MCM7: variants seen among roughly 807,000 people sequenced by gnomAD.
MCM7 encodes the protein minichromosome maintenance complex component 7.
In MCM7, 95 loss-of-function variants were observed where a neutral mutation model predicts 83.5. The observed-to-expected ratio is 1.14, with a 90% CI of 0.96 to 1.35. The LOEUF (loss-of-function observed/expected upper bound fraction) is 1.35. Among genes scored for constraint, MCM7 ranks in the 40% most tolerant of loss-of-function variants. MCM7 has a pLI of 0.00. For missense variants in MCM7, 1,087 were observed against 957.4 expected (o/e 1.14, Z -1.79); for synonymous variants, 461 against 352.7 (o/e 1.31, Z -3.44).
In MCM7 at chr7:100,093,357, A is replaced by G; in HGVS notation, c.1893T>C (p.Asn631=). The G allele has an allele frequency of 1.2e-6, 2 of 1,614,140 alleles. No individual in the cohort carries two copies. Among genetic ancestry groups the G allele is most frequent in the South Asian group, 1.1e-5 (1 of 91,088 alleles). Residue 631 remains asparagine (N), a synonymous_variant, in exon 14 of 15, where the codon AAT becomes AAC. Coordinates refer to ENST00000303887, the MANE Select transcript of MCM7 (RefSeq NM_005916.5). The part of the protein sequence containing the change: ...MVDVVEKEDV[N]EAIRLMEMSK... ...ACATCTCCATTAGCCTGATGGCTTC[A>G]TTCACATCTTCTTTCTCCACCACAT...
intron 10 of MCM7, 144 bp from the exon 11 acceptor site, chr7:100,096,311 C>T (rs1795634358): frequency 4.0e-6 from 3 of 751,588 alleles, no homozygotes; most frequent in African/African-American, 3.5e-5. Context: ...GCCCGAGGAT[C>T]TGTGGGGCAC....
In MCM7 at chr7:100,099,725, G is replaced by C; in HGVS notation, c.140C>G (p.Ala47Gly). ...LVRLAHREQV[A>G]LYVDLDDVAE... ...TACGTCGTCCAGGTCCACATACAGA[G>C]CCACCTGTTCCCGATGAGCCAGCCG... Residue 47 changes from alanine to glycine, a missense_variant, in exon 3 of 15, where the codon GCT (alanine) becomes GGT (glycine). Physicochemically the swap from Ala to Gly is moderately conservative, Grantham distance 60. Transcript: ENST00000303887. The C allele has an allele frequency of 6.2e-7, 1 of 1,614,116 alleles. No individual in the cohort carries two copies. The highest frequency in any genetic ancestry group is 8.5e-7 in the Non-Finnish European group (1 of 1,180,028).
intron 1 of MCM7, 184 bp from the exon 2 acceptor site, chr7:100,100,277 A>T: frequency 7.3e-7 from 1 of 1,373,714 alleles, no homozygotes; most frequent in Non-Finnish European, 9.4e-7. Context: ...CGAAGAATAA[A>T]GAGCCCGTGG....
At chr7:100,095,242 C>T in intron 12 of MCM7, 145 bp downstream of exon 12, 5 of 755,438 alleles carry the variant, frequency 6.6e-6, no homozygotes, top group South Asian at 1.5e-5. Flanking sequence ...GAATTTTCCA[C>T]TTAAAAGCTG....
intron 12 of MCM7, among the ~76,000 whole-genome samples, chr7:100,094,950 T>C (rs1295408487): frequency 1.3e-5 from 2 of 152,204 alleles, no homozygotes; most frequent in Non-Finnish European, 2.9e-5. Context: ...GGTTCATGCC[T>C]GTAATCCCAG....
chr7:100,093,975 C>A (rs1370366039), intron 13 of MCM7, 198 bp downstream of exon 13: 2 of 774,918 alleles, frequency 2.6e-6, no homozygotes, highest in Non-Finnish European at 4.7e-6. Context: ...CCTTTCCCTC[C>A]ACGGACGCTG....
chr7:100,098,672 T>C lies in MCM7; in HGVS notation c.626A>G (p.Gln209Arg), dbSNP rs778775914. ...TFMPLIMCPSQECQTNRSGGR... is the reference protein window; with the variant it reads ...TFMPLIMCPSRECQTNRSGGR... ...TCCTGAGCGGTTGGTTTGGCACTCC[T>C]GGCTTGGGCACATGATCAGAGGCAT... Residue 209 changes from glutamine (Q) to arginine (R), a missense_variant, in exon 6 of 15, where the codon CAG becomes CGG. Gln to Arg is a conservative substitution (Grantham distance 43, BLOSUM62 1). Coordinates refer to ENST00000303887, the MANE Select transcript of MCM7 (RefSeq NM_005916.5). 3.1e-6 allele frequency: 5 copies of C among 1,614,112 alleles called. No individual in the cohort carries two copies. In the South Asian group the frequency reaches 3.3e-5, roughly 11 times the overall value.
At chr7:100,094,893 A>AC (rs1795535793) in intron 12 of MCM7, among the ~76,000 whole-genome samples, 1 of 152,174 alleles carries the variant, frequency 6.6e-6, no homozygotes, top group South Asian at 2.1e-4. Flanking sequence ...GATACACATA[A>AC]CCTGAAGGTA....
intron 1 of MCM7, 87 bp from the exon 2 acceptor site, chr7:100,100,180 T>A: frequency 1.3e-6 from 2 of 1,519,592 alleles, no homozygotes; most frequent in Non-Finnish European, 1.8e-6. Flanking sequence ...ACCTATGAAC[T>A]AATTAATAAT....
At chr7:100,098,327 G>C in intron 6 of MCM7, 37 bp from the exon 7 acceptor site, 1 of 1,608,470 alleles carries the variant, frequency 6.2e-7, no homozygotes, top group Non-Finnish European at 8.5e-7. Flanking sequence ...TAGGAGAAAT[G>C]GACAAGGACC....
intron 13 of MCM7, 186 bp downstream of exon 13, chr7:100,093,987 G>A (rs1369789446): frequency 2.5e-6 from 2 of 806,984 alleles, no homozygotes; most frequent in Non-Finnish European, 4.4e-6. Flanking sequence ...CGGACGCTGT[G>A]CGTGCCCTGC....
At chr7:100,095,718 C>T in intron 11 of MCM7, 56 bp downstream of exon 11, 1 of 1,505,222 alleles carries the variant, frequency 6.6e-7, no homozygotes, top group Admixed American at 2.2e-5. Flanking sequence ...CACCTCTCCT[C>T]CTCCCTACAC....
In MCM7 at chr7:100,101,270, C is replaced by T. The variant is rs369472513; in HGVS notation, c.25G>A (p.Glu9Lys). ...CGGGCTCGTAGACCCGTACCCTTCT[C>T]TAGCGCGTAGTCCTTCAGTGCCATC... is the stretch of plus-strand genomic sequence containing the variant. MALKDYAL[E>K]KEKVKKFLQE... The change falls in exon 1 of 15, where the codon GAG (glutamate) becomes AAG (lysine). Residue 9 changes from glutamate to lysine, a missense_variant. By Grantham distance (56) the Glu-to-Lys change is moderately conservative (BLOSUM62 1). Coordinates refer to ENST00000303887, the MANE Select transcript of MCM7 (RefSeq NM_005916.5). 9.9e-6 allele frequency: 16 copies of T among 1,613,170 alleles called. No homozygotes were observed. Among genetic ancestry groups the T allele is most frequent in the Non-Finnish European group, 1.3e-5 (15 of 1,179,906 alleles).
chr7:100,095,620 C>A, intron 11 of MCM7, 150 bp from the exon 12 acceptor site: 2 of 1,309,190 alleles, frequency 1.5e-6, no homozygotes, highest in Non-Finnish European at 2.1e-6. Context: ...CAGCCCCAAC[C>A]CACCATTTCC....
Position 100,094,328 on chromosome 7 carries a change from TG to T in MCM7, c.1692del (p.Met565CysfsTer24). ...LDMKLMRRYI[A>X]MCREKQPMVP... ...ACCATGGGCTGCTTCTCGCGGCACA[TG>T]GCTATGTAACGCCTGTGGGGGAAGG... On this transcript the variant is annotated frameshift_variant, in exon 13 of 15. Coordinates refer to ENST00000303887, the MANE Select transcript of MCM7 (RefSeq NM_005916.5). LOFTEE classifies it high-confidence loss of function. The T allele has an allele frequency of 6.2e-7, 1 of 1,614,076 alleles. No homozygotes were observed. Among genetic ancestry groups the T allele is most frequent in the Non-Finnish European group, 8.5e-7 (1 of 1,180,024 alleles).
rs749189763 is a variant in MCM7, at chr7:100,099,418, CAAAA to C, written c.277-19_277-16del. On this transcript the variant is annotated splice_polypyrimidine_tract_variant and intron_variant, in intron 3 of 14. Coordinates refer to ENST00000303887, the MANE Select transcript of MCM7 (RefSeq NM_005916.5). ...TTATTTACCACCTAAAGGAGAAGAA[CAAAA>C]AAAAAAAAAAAAAAGAGCAACAGGA... The C allele has an allele frequency of 2.4e-4, 309 of 1,301,596 alleles. No homozygotes were observed. Among genetic ancestry groups the C allele is most frequent in the Admixed American group, 3.0e-4 (9 of 30,294 alleles). 80.6% of individuals were successfully genotyped at this position (1,301,596 alleles called of 1,614,324 possible).
rs148883727 is a variant in MCM7, at chr7:100,093,039, C to T, written c.2053G>A (p.Val685Ile). 6.2e-7 allele frequency: 1 copy of T among 1,614,242 alleles called. No individual in the cohort carries two copies. ...VRFSEAEQRC[V>I]SRGFTPAQFQ... The stretch of plus-strand genomic sequence containing the variant: ...TGGGCGGGTGTGAAGCCACGAGATA[C>T]ACAGCGCTGCTCTGCCTCAGAGAAC... Residue 685 changes from valine (V) to isoleucine (I), a missense_variant, in exon 15 of 15, where the codon GTA (valine) becomes ATA (isoleucine). By Grantham distance (29) the Val-to-Ile change is conservative. Transcript: ENST00000303887.
chr7:100,095,813 C>A lies in MCM7; in HGVS notation c.1556G>T (p.Trp519Leu), dbSNP rs777649347. ...TCGGTCGGGCCGGTCCTGAATCAGC[C>A]AGAGGAGGTCAAACCGGGAGAGCAG... is the stretch of plus-strand genomic sequence containing the variant. ...AALLSRFDLL[W>L]LIQDRPDRDN... Residue 519 changes from tryptophan (W) to leucine (L), a missense_variant, in exon 11 of 15, where the codon TGG (tryptophan) becomes TTG (leucine). By Grantham distance (61) the Trp-to-Leu change is moderately conservative (BLOSUM62 -2). Transcript: ENST00000303887. The A allele has an allele frequency of 6.9e-6, 11 of 1,603,544 alleles. No homozygotes were observed. The highest frequency in any genetic ancestry group is 9.4e-6 in the Non-Finnish European group (11 of 1,175,552).
At position 100,101,387 on chromosome 7, in the gene MCM7, C is replaced by T. The variant is rs1189915717; in HGVS notation, c.-93G>A. On this transcript the variant is annotated 5_prime_UTR_variant, in exon 1 of 15. Coordinates refer to ENST00000303887, the MANE Select transcript of MCM7 (RefSeq NM_005916.5). ...CTCCGCGCGGTGGACTGTGGCCGGC[C>T]AACCGAAATTGGCGCGAAACGTCGC... 5.1e-6 allele frequency: 8 copies of T among 1,561,130 alleles called. No homozygotes were observed. The highest frequency in any genetic ancestry group is 1.7e-4 in the Middle Eastern group (1 of 5,942).
Sources: gnomAD v4.1 joint callset for allele counts (sites outside exome capture counted in the v4.1 genomes callset) on GRCh38, gnomAD v4.1.1 for gene constraint, MANE v1.5 for transcripts, NCBI Gene and HGNC (gene_info 2026-07-23, HGNC 2026-07-21) for gene names.